The following BAHCC1 variants were observed in gnomAD, a reference collection of about 807,000 sequenced individuals.
The protein encoded by BAHCC1 is BAH and coiled-coil domain-containing protein 1.
Under a neutral mutation model 88.2 loss-of-function variants are expected in BAHCC1, and 43 were observed. The observed-to-expected ratio is 0.49, with a 90% CI of 0.38 to 0.63. The LOEUF (loss-of-function observed/expected upper bound fraction) is 0.63. BAHCC1 is among the 20% of genes least tolerant of loss of function. BAHCC1 has a pLI of 0.00. For synonymous variants in BAHCC1, 1,510 were observed against 745.5 expected (o/e 2.03, Z -16.71); for missense variants, 3,023 against 1,654.8 (o/e 1.83, Z -14.34).
At chr17:81,416,673 C>T (rs1277600578) in intron 2 of BAHCC1, among the ~76,000 whole-genome samples, 2 of 152,204 alleles carry the variant, frequency 1.3e-5, no homozygotes, top group Admixed American at 6.5e-5. Context: ...TGGGTGAGCA[C>T]ACAGGAGGGT....
chr17:81,445,090 C>T lies in BAHCC1; in HGVS notation c.2747C>T (p.Pro916Leu), dbSNP rs575897149. ...GGCCCCGCCTCTCACATGCAGCACCCGGGCCAGCTCCCTGTGTACTCGAGG... is the reference window on the plus strand; with the variant it reads ...GGCCCCGCCTCTCACATGCAGCACCTGGGCCAGCTCCCTGTGTACTCGAGG... Reference protein sequence around the residue: ...GRGPASHMQHPGQLPVYSRPQ... With the variant: ...GRGPASHMQHLGQLPVYSRPQ... The change falls in exon 9 of 28, where the codon CCG becomes CTG. Residue 916 changes from proline to leucine, a missense_variant. Pro to Leu is a moderately conservative substitution (Grantham distance 98). Transcript: ENST00000675386. The T allele has an allele frequency of 2.3e-5, 18 of 770,810 alleles. No individual in the cohort carries two copies. The highest frequency in any genetic ancestry group is 8.5e-5 in the African/African-American group (5 of 59,080). 47.7% of individuals were successfully genotyped at this position (770,810 alleles called of 1,614,324 possible).
Position 81,438,374 on chromosome 17 carries a change from G to A in BAHCC1, c.363G>A (p.Pro121=), listed in dbSNP as rs782139917. The change falls in exon 4 of 28, where the codon CCG becomes CCA. Residue 121 remains proline (P), a synonymous_variant. Coordinates refer to ENST00000675386, the MANE Select transcript of BAHCC1 (RefSeq NM_001377448.1). ...CTGGGTCTCTTGCTTCTCTAGCTCC[G>A]GGGTACCCCAGATTTTCGGGGAGTC... ...QIWFSHSHEA[P]GYPRFSGSLA... 8 of 778,618 alleles carry A rather than the reference G, an allele frequency of 1.0e-5. No individual in the cohort carries two copies. Among genetic ancestry groups the A allele is most frequent in the Admixed American group, 3.4e-5 (2 of 58,888 alleles). 48.2% of individuals were successfully genotyped at this position (778,618 alleles called of 1,614,324 possible).
chr17:81,398,463 C>T (rs2063768427), intron 1 of BAHCC1, among the ~76,000 whole-genome samples: 1 of 152,112 alleles, frequency 6.6e-6, no homozygotes, highest in African/African-American at 2.4e-5. Flanking sequence ...CCGAGCTGGG[C>T]GCCGCAGACC....
intron 2 of BAHCC1, among the ~76,000 whole-genome samples, chr17:81,406,327 CTGTT>C (rs2063878521): frequency 6.6e-6 from 1 of 152,198 alleles, no homozygotes; most frequent in Admixed American, 6.5e-5. Flanking sequence ...ACGCCCCTGT[CTGTT>C]GGGTAGGTGG....
chr17:81,400,988 ACAT>A (rs2063809002), intron 2 of BAHCC1: 1 of 152,360 alleles, frequency 6.6e-6, no homozygotes, highest in African/African-American at 2.4e-5. Flanking sequence ...TTTGTTCTAA[ACAT>A]CAGAAATGTT....
At chr17:81,422,851 C>G (rs139554129) in intron 2 of BAHCC1, 654 of 373,714 alleles carry the variant, frequency 1.8e-3, no homozygotes, top group Non-Finnish European at 2.9e-3. Flanking sequence ...GGTGGGAAGG[C>G]CTGGGGGACT....
intron 2 of BAHCC1, among the ~76,000 whole-genome samples, chr17:81,418,983 TGTGA>T (rs1453099316): frequency 1.3e-5 from 2 of 151,998 alleles, no homozygotes; most frequent in African/African-American, 2.4e-5. Flanking sequence ...TGTGTGCAAG[TGTGA>T]GTGTGTGCAA....
rs1370178653 is a variant in BAHCC1 at position 81,465,006 on chromosome 17, C to G, written c.*1189C>G. On this transcript the variant is annotated 3_prime_UTR_variant, in exon 28 of 28. Transcript: ENST00000675386. ...GGTTCACAGTCCCACCAGATTCTCT[C>G]CTCACCCCCAAGCAGAATGCATGCA... 6.6e-6 allele frequency: 1 copy of G among 152,310 alleles called. No homozygotes were observed. The highest frequency in any genetic ancestry group is 2.4e-5 in the African/African-American group (1 of 41,430). The allele number at this position is 152,310 out of a possible 1,614,324, so 9.4% of individuals were successfully genotyped here. A position where few individuals can be genotyped will look rare whatever the true frequency, so the allele number is the denominator to read the frequency against.
Position 81,411,292 on chromosome 17 carries a change from C to T in BAHCC1, c.178+11375C>T. 1 of 442,940 alleles carries T rather than the reference C, an allele frequency of 2.3e-6. No homozygotes were observed. 27.4% of individuals were successfully genotyped at this position (442,940 alleles called of 1,614,324 possible). A position where few individuals can be genotyped will look rare whatever the true frequency, so the allele number is the denominator to read the frequency against. ...GCAGCTCCCAAACCCTGACCCCAGA[C>T]AGGCAGCAGGAGCTGGACGTGCCGT... On this transcript the variant is annotated intron_variant, in intron 2 of 27. Transcript: ENST00000675386. The surrounding 1 kb of genome is among the most constrained non-coding windows in gnomAD (Gnocchi z 6.2).
In BAHCC1 at chr17:81,411,673, C is replaced by T. The variant is rs2063956803; in HGVS notation, c.178+11756C>T. ...GGTTTGGGGCATTCCAGACCTGAGGCCCTCCAGGCAGCTCCCCTTCCACTC... is the reference window on the plus strand; with the variant it reads ...GGTTTGGGGCATTCCAGACCTGAGGTCCTCCAGGCAGCTCCCCTTCCACTC... On this transcript the variant is annotated intron_variant, in intron 2 of 27. Transcript: ENST00000675386. This position sits in a 1 kb window ranked among gnomAD's most constrained non-coding sequence, Gnocchi z 6.2. The T allele has an allele frequency of 5.9e-6, 2 of 338,766 alleles. No individual in the cohort carries two copies. The highest frequency in any genetic ancestry group is 1.2e-5 in the Non-Finnish European group (2 of 171,582). The allele number at this position is 338,766 out of a possible 1,614,324, so 21.0% of individuals were successfully genotyped here.
rs2064313930 is a variant in BAHCC1, at chr17:81,434,798, G to A, written c.359-3572G>A. Among the ~76,000 whole-genome samples, 1 of 152,082 alleles carries A rather than the reference G, an allele frequency of 6.6e-6. No homozygotes were observed. The highest frequency in any genetic ancestry group is 2.4e-5 in the African/African-American group (1 of 41,392). ...ATCTGGCAAGAGGAGGAAGGCGCAG[G>A]GCTGGCCTGGAGAGGGCAGGGCCTC... On this transcript the variant is annotated intron_variant, in intron 3 of 27. Transcript: ENST00000675386. The surrounding 1 kb of genome is among the most constrained non-coding windows in gnomAD (Gnocchi z 4.9).
At chr17:81,444,966 A>C (rs1555653905) in intron 8 of BAHCC1, 49 bp from the exon 9 acceptor site, 2 of 697,804 alleles carry the variant, frequency 2.9e-6, no homozygotes, top group Non-Finnish European at 5.3e-6. Context: ...GCAGCCCCGG[A>C]GCTGTCCCCT....
chr17:81,412,382 T>G (rs1259863357), intron 2 of BAHCC1, among the ~76,000 whole-genome samples: 5 of 152,270 alleles, frequency 3.3e-5, no homozygotes, highest in African/African-American at 1.2e-4. Context: ...TTAGTGTGTG[T>G]AAATACAGAT....
At chr17:81,427,742 C>G (rs1366860339) in intron 3 of BAHCC1, among the ~76,000 whole-genome samples, 1 of 152,202 alleles carries the variant, frequency 6.6e-6, no homozygotes, top group Non-Finnish European at 1.5e-5. Context: ...CCCCCCGCGG[C>G]TGGCACGCAG....
chr17:81,458,144 G>A (rs782245858), intron 17 of BAHCC1, 21 bp from the exon 18 acceptor site: 38 of 715,854 alleles, frequency 5.3e-5, no homozygotes, highest in East Asian at 8.0e-5. Flanking sequence ...CCCCTGTGAC[G>A]GCCTCCTCTC....
chr17:81,463,584 C>T (rs782083407), intron 27 of BAHCC1, 27 bp from the exon 28 acceptor site: 1 of 778,562 alleles, frequency 1.3e-6, no homozygotes, highest in South Asian at 1.3e-5. Context: ...AGGCCGGCCA[C>T]TGATGCCCCG....
intron 27 of BAHCC1, 51 bp from the exon 28 acceptor site, chr17:81,463,560 G>A: frequency 2.6e-6 from 2 of 773,428 alleles, no homozygotes; most frequent in East Asian, 2.4e-5. Flanking sequence ...GGCTGGGCAG[G>A]GGCGCACTGG....
rs141666839 is a variant in BAHCC1, at chr17:81,452,771, G to T, written c.4365G>T (p.Pro1455=). Reference sequence around the variant, plus strand: ...CTGCACGGCGGGGGCCTGGCCGGCCGAGGAAGCGCAAACACTCAAGCTCGC... The same window carrying T: ...CTGCACGGCGGGGGCCTGGCCGGCCTAGGAAGCGCAAACACTCAAGCTCGC... The part of the protein sequence containing the change: ...RSPARRGPGR[P]RKRKHSSSLP... The change falls in exon 14 of 28, where the codon CCG becomes CCT. Residue 1455 remains proline (P), a synonymous_variant. Coordinates refer to ENST00000675386, the MANE Select transcript of BAHCC1 (RefSeq NM_001377448.1). 2.7e-6 allele frequency: 2 copies of T among 742,560 alleles called. No homozygotes were observed. 46.0% of individuals were successfully genotyped at this position (742,560 alleles called of 1,614,324 possible).
intron 14 of BAHCC1, among the ~76,000 whole-genome samples, chr17:81,453,498 CAG>C (rs2064685408): frequency 2.0e-5 from 3 of 152,340 alleles, no homozygotes; most frequent in South Asian, 4.1e-4. Context: ...AAATTAATCT[CAG>C]GGCTTCATGT....
Sources: allele counts gnomAD v4.1 joint callset (sites outside exome capture counted in the v4.1 genomes callset), GRCh38; gene constraint gnomAD v4.1.1; non-coding constraint Gnocchi (gnomAD v3.1); transcripts MANE v1.5; gene names NCBI Gene and HGNC (gene_info 2026-07-23, HGNC 2026-07-21).